Variants in SCUBE1 observed in about 807,000 individuals in gnomAD.
SCUBE1 encodes the protein signal peptide, CUB and EGF-like domain-containing protein 1.
SCUBE1 carries 59 observed loss-of-function variants against 124.4 expected under a neutral mutation model. The observed-to-expected ratio is 0.47, with a 90% confidence interval of 0.38 to 0.59. The LOEUF (loss-of-function observed/expected upper bound fraction) is 0.59. SCUBE1 is among the 20% of genes least tolerant of loss of function. The pLI is 0.00. For missense variants in SCUBE1, 1,150 were observed against 1,371.2 expected, an observed-to-expected ratio of 0.84 and a Z score of 2.55; for synonymous variants, 545 against 550.9, an observed-to-expected ratio of 0.99 and a Z score of 0.15.
At chr22:43,223,284 C>A in intron 10 of SCUBE1, 68 bp from the exon 11 acceptor site, 1 of 1,513,206 alleles carries the variant, frequency 6.6e-7, no homozygotes, top group South Asian at 1.3e-5. Flanking sequence ...CCAGGAGGGT[C>A]CTGGGTATGG....
chr22:43,271,508 T>A (rs1924290808), intron 4 of SCUBE1, among the ~76,000 whole-genome samples: 1 of 152,144 alleles, frequency 6.6e-6, no homozygotes. Flanking sequence ...GGCCCAGACC[T>A]GGCTGCCGTT....
intron 7 of SCUBE1, among the ~76,000 whole-genome samples, chr22:43,235,360 G>A (rs1922717011): frequency 6.6e-6 from 1 of 152,144 alleles, no homozygotes; most frequent in African/African-American, 2.4e-5. Context: ...GGACCATGTA[G>A]GGGAGGGCTT....
At chr22:43,220,625 G>T (rs779376893) in intron 13 of SCUBE1, 38 bp from the exon 14 acceptor site, 10 of 1,606,072 alleles carry the variant, frequency 6.2e-6, no homozygotes, top group Non-Finnish European at 4.3e-6. Flanking sequence ...AAGGCGGCAT[G>T]GGGCAGGGAG....
In SCUBE1 at chr22:43,214,130, C is replaced by T; in HGVS notation, c.2013G>A (p.Gly671=). 6.2e-7 allele frequency: 1 copy of T among 1,609,632 alleles called. No individual in the cohort carries two copies. The highest frequency in any genetic ancestry group is 8.5e-7 in the Non-Finnish European group (1 of 1,178,424). Residue 671 remains glycine, a synonymous_variant, in exon 16 of 22, where the codon GGG becomes GGA. Transcript: ENST00000360835. ...CGTTGCGGGCACCAGGCAGACCAAG[C>T]CCGTCGCTGCTGGGGCACGGTGTGC... The part of the protein sequence containing the change: ...LSCTPCPSSD[G]LGLPGARNVS...
chr22:43,306,794 C>T (rs551602631), intron 3 of SCUBE1, among the ~76,000 whole-genome samples: 1 of 152,172 alleles, frequency 6.6e-6, no homozygotes, highest in Non-Finnish European at 1.5e-5. Context: ...TCAAGGCCAA[C>T]GTGTCTGATG....
At chr22:43,268,048 C>G (rs914162907) in intron 4 of SCUBE1, among the ~76,000 whole-genome samples, 6 of 152,206 alleles carry the variant, frequency 3.9e-5, no homozygotes, top group Admixed American at 3.3e-4. Flanking sequence ...AAGGACCCCC[C>G]GGGCCTCCTC....
rs142044188 is a variant in SCUBE1, at chr22:43,212,710, C to T, written c.2054-118G>A. 914 of 907,438 alleles carry T rather than the reference C, an allele frequency of 1.0e-3. 3 individuals are homozygous for T. In the African/African-American group the frequency reaches 0.011, roughly 11 times the overall value. 56.2% of individuals were successfully genotyped at this position (907,438 alleles called of 1,614,324 possible). A position where few individuals can be genotyped will look rare whatever the true frequency, so the allele number is the denominator to read the frequency against. ...GGCCCTGGAAAAGGTACTGGGCACC[C>T]GAGGCCTGGGGTGGGGACGGGGTGG... On this transcript the variant is annotated intron_variant, in intron 16 of 21. Coordinates refer to ENST00000360835, the MANE Select transcript of SCUBE1 (RefSeq NM_173050.5).
chr22:43,231,976 G>T, intron 7 of SCUBE1, 101 bp from the exon 8 acceptor site: 1 of 1,432,512 alleles, frequency 7.0e-7, no homozygotes, highest in South Asian at 1.2e-5. Context: ...ACACTGCCCT[G>T]AGTTGCCTGG....
At chr22:43,221,374 T>A (rs1922086216) in intron 12 of SCUBE1, 85 bp from the exon 13 acceptor site, 1 of 648,254 alleles carries the variant, frequency 1.5e-6, no homozygotes, top group Non-Finnish European at 2.7e-6. Context: ...AGGGGACAAA[T>A]CCATCTGGAG....
chr22:43,219,231 G>C (rs138998), intron 14 of SCUBE1, among the ~76,000 whole-genome samples: 70,850 of 151,682 alleles, frequency 0.47, 17,545 homozygotes, highest in Middle Eastern at 0.57. Context: ...TCTACTAGTC[G>C]CCACGAGATG....
At position 43,343,363 on chromosome 22, in the gene SCUBE1, C is replaced by G. The variant is rs1229852103; in HGVS notation, c.-102G>C. 5 of 482,258 alleles carry G rather than the reference C, an allele frequency of 1.0e-5. No individual in the cohort carries two copies. The highest frequency in any genetic ancestry group is 2.4e-4 in the East Asian group (2 of 8,418). 29.9% of individuals were successfully genotyped at this position (482,258 alleles called of 1,614,324 possible). ...TGCTCGCTGCTCGCCGCTCCGCCACCGCTCGGGCTCCCGAGCCGCCCAGCC... is the reference window on the plus strand; with the variant it reads ...TGCTCGCTGCTCGCCGCTCCGCCACGGCTCGGGCTCCCGAGCCGCCCAGCC... On this transcript the variant is annotated 5_prime_UTR_variant, in exon 1 of 22. Transcript: ENST00000360835.
intron 4 of SCUBE1, among the ~76,000 whole-genome samples, chr22:43,273,139 G>A (rs961802536): frequency 2.0e-5 from 3 of 152,212 alleles, no homozygotes; most frequent in South Asian, 2.1e-4. Flanking sequence ...AACCCCACAC[G>A]CTCATTCTCA....
At chr22:43,311,513 C>T (rs376384982) in intron 3 of SCUBE1, among the ~76,000 whole-genome samples, 51 of 151,406 alleles carry the variant, frequency 3.4e-4, no homozygotes, top group African/African-American at 1.1e-3. Context: ...CTCTGCCCCC[C>T]GGGTTCAAGT....
rs895256001 is a variant in SCUBE1, at chr22:43,258,749, G to A, written c.611-414C>T. The stretch of plus-strand genomic sequence containing the variant: ...CAAGCTGTCGGGGGAGGGACATGGC[G>A]GCCCGTGGTTCCAGGTGACCCTCAT... On this transcript the variant is annotated intron_variant, in intron 5 of 21. Transcript: ENST00000360835. The surrounding 1 kb of genome is among the most constrained non-coding windows in gnomAD (Gnocchi z 5.0). 2.0e-5 allele frequency among the ~76,000 whole-genome samples: 3 copies of A among 152,150 alleles called. No individual in the cohort carries two copies.
At chr22:43,222,277 C>T (rs112720808) in intron 12 of SCUBE1, among the ~76,000 whole-genome samples, 2,034 of 152,322 alleles carry the variant, frequency 0.013, 26 homozygotes, top group African/African-American at 0.037. Context: ...ATGCTCTGCA[C>T]GGCCAGGCCA....
chr22:43,241,974 C>G (rs978251166), intron 6 of SCUBE1, among the ~76,000 whole-genome samples: 9 of 152,254 alleles, frequency 5.9e-5, no homozygotes, highest in Admixed American at 5.9e-4. Context: ...GCTGCAGCCT[C>G]TTGCCTGGGG....
chr22:43,241,851 C>A (rs1923017648), intron 6 of SCUBE1, among the ~76,000 whole-genome samples: 2 of 152,234 alleles, frequency 1.3e-5, no homozygotes, highest in Admixed American at 1.3e-4. Context: ...TGGGAGCCAG[C>A]AGTCCCCGGG....
chr22:43,218,231 G>A (rs779751816), intron 15 of SCUBE1, 24 bp downstream of exon 15: 22 of 1,608,488 alleles, frequency 1.4e-5, no homozygotes, highest in East Asian at 2.2e-5. Flanking sequence ...GTCAGCATCT[G>A]AGTGGCCATG....
rs760832607 is a variant in SCUBE1, at chr22:43,218,363, A to G, written c.1783T>C (p.Tyr595His). Residue 595 changes from tyrosine (Y) to histidine (H), a missense_variant, in exon 15 of 22, where the codon TAT (tyrosine) becomes CAT (histidine). Tyr to His is a moderately conservative substitution (Grantham distance 83). Transcript: ENST00000360835. Reference protein sequence around the residue: ...LRKSIGRQQFYVQVSGTEYEV... With the variant: ...LRKSIGRQQFHVQVSGTEYEV... ...TACTCAGTGCCTGAGACCTGGACAT[A>G]GAACTGCTGCCGGCCGATGGACTTG... is the stretch of plus-strand genomic sequence containing the variant. The G allele has an allele frequency of 5.0e-6, 8 of 1,613,376 alleles. No individual in the cohort carries two copies. Among genetic ancestry groups the G allele is most frequent in the South Asian group, 3.3e-5 (3 of 91,094 alleles).
Sources: allele counts gnomAD v4.1 joint callset (sites outside exome capture counted in the v4.1 genomes callset), GRCh38; gene constraint gnomAD v4.1.1; non-coding constraint Gnocchi (gnomAD v3.1); transcripts MANE v1.5; gene names NCBI Gene and HGNC (gene_info 2026-07-23, HGNC 2026-07-21).